DGLUCY: variants seen among roughly 807,000 people sequenced by gnomAD.
DGLUCY encodes the protein D-glutamate cyclase, mitochondrial.
Under a neutral mutation model 58.5 loss-of-function variants are expected in DGLUCY, and 58 were observed. That is an observed-to-expected ratio of 0.99 (90% CI 0.80 to 1.23). The LOEUF (loss-of-function observed/expected upper bound fraction) is 1.23. Among genes scored for constraint, DGLUCY ranks in the 50% most tolerant of loss-of-function variants. The probability of loss-of-function intolerance (pLI) is 0.00; values close to 1 mark genes in which losing one functional copy is unlikely to be tolerated. For synonymous variants in DGLUCY, 325 were observed against 314.1 expected (o/e 1.03, Z -0.37); for missense variants, 779 against 784.7 (o/e 0.99, Z 0.09).
chr14:91,153,558 G>C (rs1452148288), intron 1 of DGLUCY, among the ~76,000 whole-genome samples: 3 of 152,198 alleles, frequency 2.0e-5, no homozygotes. Flanking sequence ...GAGTACAACA[G>C]ATGGAAAGGC....
upstream of DGLUCY, among the ~76,000 whole-genome samples, chr14:91,109,588 A>G (rs1167837816): frequency 1.3e-5 from 2 of 152,156 alleles, no homozygotes; most frequent in African/African-American, 4.8e-5. Flanking sequence ...GGGTCAGAAC[A>G]TATGGTGGTT....
At chr14:91,152,617 G>A (rs1028865058) in intron 1 of DGLUCY, among the ~76,000 whole-genome samples, 1 of 152,108 alleles carries the variant, frequency 6.6e-6, no homozygotes, top group Non-Finnish European at 1.5e-5. Context: ...ATTTGCAGTT[G>A]TATTTAGGCT....
In DGLUCY at chr14:91,169,903, A is replaced by G. The variant is rs2048477405; in HGVS notation, c.258-100A>G. The G allele has an allele frequency of 3.9e-6, 5 of 1,286,130 alleles. No individual in the cohort carries two copies. In the South Asian group the frequency reaches 6.6e-5, roughly 17 times the overall value. 79.7% of individuals were successfully genotyped at this position (1,286,130 alleles called of 1,614,324 possible). A position where few individuals can be genotyped will look rare whatever the true frequency, so the allele number is the denominator to read the frequency against. On this transcript the variant is annotated intron_variant, in intron 4 of 13. Coordinates refer to ENST00000256324, the MANE Select transcript of DGLUCY (RefSeq NM_001102368.3). ...TGGTGCCAGGGCTGAAAATTTCAGC[A>G]CTAGACATCCTCTTCTCTCTCCGCA... is the stretch of plus-strand genomic sequence containing the variant.
At chr14:91,170,710 C>A (rs1007090492) in intron 5 of DGLUCY, among the ~76,000 whole-genome samples, 3 of 151,248 alleles carry the variant, frequency 2.0e-5, no homozygotes, top group African/African-American at 7.4e-5. Context: ...TGGGACGTGC[C>A]TGCTGTGCCT....
intron 1 of DGLUCY, among the ~76,000 whole-genome samples, chr14:91,079,261 T>C (rs1301262357): frequency 6.7e-6 from 1 of 149,882 alleles, no homozygotes; most frequent in Admixed American, 6.7e-5. Context: ...AGCGCAATAT[T>C]ATACGCTGCC....
At chr14:91,217,978 G>A (rs1000680024) in intron 13 of DGLUCY, among the ~76,000 whole-genome samples, 8 of 152,166 alleles carry the variant, frequency 5.3e-5, no homozygotes, top group Admixed American at 1.3e-4. Flanking sequence ...CTGAGAAGCC[G>A]ATGGCTTGCC....
At chr14:91,090,378 C>T (rs1397461548) in intron 1 of DGLUCY, among the ~76,000 whole-genome samples, 1 of 151,558 alleles carries the variant, frequency 6.6e-6, no homozygotes, top group African/African-American at 2.4e-5. Context: ...TGCTCTGTTT[C>T]TTTTTTTTTG....
At chr14:91,109,112 C>T (rs540349399), upstream of DGLUCY, among the ~76,000 whole-genome samples, 1 of 152,304 alleles carries the variant, frequency 6.6e-6, no homozygotes, top group Admixed American at 6.5e-5. Flanking sequence ...GGCCTCGTGC[C>T]TCTTTCTGTT....
At chr14:91,097,316 A>C (rs1726928695) in intron 1 of DGLUCY, among the ~76,000 whole-genome samples, 1 of 152,148 alleles carries the variant, frequency 6.6e-6, no homozygotes, top group Non-Finnish European at 1.5e-5. Flanking sequence ...GGGTTGCTTG[A>C]GGCCAGGAGG....
intron 9 of DGLUCY, among the ~76,000 whole-genome samples, chr14:91,192,156 A>G (rs1311398166): frequency 1.3e-5 from 2 of 152,230 alleles, no homozygotes; most frequent in Non-Finnish European, 2.9e-5. Context: ...AAAATGTGGT[A>G]TATAATTATT....
chr14:91,156,574 T>G (rs1164388573), intron 1 of DGLUCY, among the ~76,000 whole-genome samples: 1 of 152,234 alleles, frequency 6.6e-6, no homozygotes, highest in African/African-American at 2.4e-5. Flanking sequence ...ATACATGAGA[T>G]ATTTTTACAC....
intron 5 of DGLUCY, among the ~76,000 whole-genome samples, chr14:91,171,798 A>C (rs1205778539): frequency 2.6e-5 from 4 of 152,222 alleles, no homozygotes; most frequent in Non-Finnish European, 5.9e-5. Context: ...AAACCGGGCA[A>C]CATCTGTTAA....
At chr14:91,092,605 C>G (rs938725874) in intron 1 of DGLUCY, among the ~76,000 whole-genome samples, 3 of 152,118 alleles carry the variant, frequency 2.0e-5, no homozygotes, top group African/African-American at 7.2e-5. Flanking sequence ...AAAGGGTAGC[C>G]ACTGAGTGCT....
At chr14:91,138,136 A>G (rs1226837761) in intron 1 of DGLUCY, among the ~76,000 whole-genome samples, 1 of 152,154 alleles carries the variant, frequency 6.6e-6, no homozygotes, top group Non-Finnish European at 1.5e-5. Context: ...TGTTCTGGGC[A>G]CTAAGGTAGT....
At chr14:91,064,178 G>A (rs2043779645) in intron 1 of DGLUCY, among the ~76,000 whole-genome samples, 1 of 152,100 alleles carries the variant, frequency 6.6e-6, no homozygotes, top group Non-Finnish European at 1.5e-5. Flanking sequence ...ATATGAGAGA[G>A]AACATCAAGA....
intron 1 of DGLUCY, among the ~76,000 whole-genome samples, chr14:91,089,947 C>T (rs1042421613): frequency 5.3e-5 from 8 of 152,080 alleles, no homozygotes; most frequent in Admixed American, 2.0e-4. Context: ...AGATGTAACC[C>T]GGAATGGTCT....
chr14:91,106,759 A>G (rs1027537466), upstream of DGLUCY, among the ~76,000 whole-genome samples: 3 of 152,150 alleles, frequency 2.0e-5, no homozygotes, highest in African/African-American at 7.2e-5. Context: ...ATTTCAAAAC[A>G]GTGGAGATCA....
intron 5 of DGLUCY, among the ~76,000 whole-genome samples, chr14:91,171,433 A>T (rs533122907): frequency 6.6e-6 from 1 of 152,266 alleles, no homozygotes; most frequent in East Asian, 1.9e-4. Context: ...TAATATCGAC[A>T]CCTCTGCCCC....
At chr14:91,168,905 G>C (rs746351682) in intron 4 of DGLUCY, among the ~76,000 whole-genome samples, 1 of 152,108 alleles carries the variant, frequency 6.6e-6, no homozygotes, top group South Asian at 2.1e-4. Flanking sequence ...TGGCCAACGC[G>C]GTGAAACGCT....
Sources: allele counts gnomAD v4.1 joint callset (sites outside exome capture counted in the v4.1 genomes callset), GRCh38; gene constraint gnomAD v4.1.1; transcripts MANE v1.5; gene names NCBI Gene and HGNC (gene_info 2026-07-23, HGNC 2026-07-21).